THAP5: variants seen among roughly 807,000 people sequenced by gnomAD.
THAP5 encodes THAP domain-containing protein 5.
THAP5 carries 26 observed loss-of-function variants against 34.0 expected under a neutral mutation model. That is an observed-to-expected ratio of 0.77 (90% CI 0.56 to 1.06). The LOEUF (loss-of-function observed/expected upper bound fraction) is 1.06. Among genes scored for constraint, THAP5 ranks in the 50% least tolerant of loss-of-function variants. The pLI is 0.00. For synonymous variants in THAP5, 125 were observed against 153.0 expected (o/e 0.82, Z 1.35); for missense variants, 394 against 452.8 (o/e 0.87, Z 1.18).
intron 2 of THAP5, 33 bp downstream of exon 2, chr7:108,565,797 G>A: frequency 6.8e-7 from 1 of 1,473,112 alleles, no homozygotes; most frequent in Non-Finnish European, 9.0e-7. Flanking sequence ...CTGCCACTCT[G>A]CTCAGCATTA....
chr7:108,544,964 A>T, the THAP5 span, among the ~76,000 whole-genome samples: 1 of 152,180 alleles, frequency 6.6e-6, no homozygotes, highest in Non-Finnish European at 1.5e-5. Flanking sequence ...ATTCTCTGTA[A>T]ATTCCACACT....
chr7:108,549,390 G>A, the THAP5 span, among the ~76,000 whole-genome samples: 2 of 152,186 alleles, frequency 1.3e-5, no homozygotes, highest in African/African-American at 4.8e-5. Flanking sequence ...AAAGTGCTGG[G>A]ATTACAGGCG....
intron 1 of THAP5, among the ~76,000 whole-genome samples, chr7:108,568,921 A>G (rs751881247): frequency 1.3e-5 from 2 of 152,232 alleles, no homozygotes; most frequent in African/African-American, 2.4e-5. Context: ...TCGTGGCTCT[A>G]GTAATTCAGA....
downstream of THAP5, among the ~76,000 whole-genome samples, chr7:108,561,276 T>TTG (rs542060089): frequency 1.5e-3 from 222 of 151,572 alleles, 1 homozygote; most frequent in African/African-American, 5.0e-3. Flanking sequence ...CCATTTTTTT[T>TTG]TTTTAAAGAC....
downstream of THAP5, among the ~76,000 whole-genome samples, chr7:108,551,755 A>G (rs1302847630): frequency 6.6e-6 from 1 of 152,212 alleles, no homozygotes. Flanking sequence ...ATTAAAAAAT[A>G]TAGATGCTCA....
At chr7:108,557,789 A>G (rs561504206), downstream of THAP5, among the ~76,000 whole-genome samples, 11 of 152,270 alleles carry the variant, frequency 7.2e-5, no homozygotes, top group African/African-American at 2.6e-4. Flanking sequence ...ACATTTTCAC[A>G]TATCTTGATA....
rs1790568729 is a variant in THAP5, at chr7:108,569,612, C to T, written c.-43G>A. 7 of 1,547,344 alleles carry T rather than the reference C, an allele frequency of 4.5e-6. No individual in the cohort carries two copies. The highest frequency in any genetic ancestry group is 5.2e-6 in the Non-Finnish European group (6 of 1,146,416). On this transcript the variant is annotated 5_prime_UTR_variant, in exon 1 of 3. Coordinates refer to ENST00000415914, the MANE Select transcript of THAP5 (RefSeq NM_001130475.3). ...TGGAGACCGGGGCCGGCGACGGATG[C>T]AGGGCGGCCCTCCTCACTGAGGATG... is the stretch of plus-strand genomic sequence containing the variant.
downstream of THAP5, among the ~76,000 whole-genome samples, chr7:108,561,308 GGC>G: frequency 6.6e-6 from 1 of 151,358 alleles, no homozygotes; most frequent in South Asian, 2.1e-4. Context: ...TTGATGCCCA[GGC>G]TGGAATGCAG....
intron 2 of THAP5, 36 bp from the exon 3 acceptor site, chr7:108,565,141 A>G (rs1790457799): frequency 2.1e-6 from 3 of 1,437,668 alleles, no homozygotes; most frequent in Non-Finnish European, 2.8e-6. Context: ...GAAAAAGATG[A>G]CTTTTATTGG....
In THAP5 at chr7:108,564,841, A is replaced by T. The variant is rs778296904; in HGVS notation, c.538T>A (p.Leu180Met). Residue 180 changes from leucine (L) to methionine (M), a missense_variant, in exon 3 of 3, where the codon TTG (leucine) becomes ATG (methionine). Leu to Met is a conservative substitution (Grantham distance 15). Coordinates refer to ENST00000415914, the MANE Select transcript of THAP5 (RefSeq NM_001130475.3). Reference protein sequence around the residue: ...KQHTGKPESTLETSVNQDTGR... With the variant: ...KQHTGKPESTMETSVNQDTGR... ...GTATCTTGGTTAACTGATGTTTCCA[A>T]GGTAGATTCTGGTTTCCCAGTATGT... The T allele has an allele frequency of 6.2e-7, 1 of 1,612,676 alleles. No individual in the cohort carries two copies. The highest frequency in any genetic ancestry group is 8.5e-7 in the Non-Finnish European group (1 of 1,179,252).
At chr7:108,567,475 C>A (rs972178742) in intron 1 of THAP5, among the ~76,000 whole-genome samples, 1 of 152,034 alleles carries the variant, frequency 6.6e-6, no homozygotes, top group Middle Eastern at 3.2e-3. Flanking sequence ...GTTATCAACT[C>A]ATTAAAAAAA....
chr7:108,558,936 G>T (rs1251989471), downstream of THAP5, among the ~76,000 whole-genome samples: 2 of 152,114 alleles, frequency 1.3e-5, no homozygotes, highest in East Asian at 1.9e-4. Context: ...TAGTTTAAAA[G>T]ACATCTATAA....
rs1790480737 is a variant in THAP5 at position 108,566,037 on chromosome 7, A to G, written c.81-15T>C. 1.3e-6 allele frequency: 2 copies of G among 1,493,378 alleles called. No individual in the cohort carries two copies. 92.5% of individuals were successfully genotyped at this position (1,493,378 alleles called of 1,614,324 possible). ...GTAGAGGAAATCTGGAATTTAAAAA[A>G]AAAAGAAGAAAAAAGGAAAAACTTT... On this transcript the variant is annotated splice_polypyrimidine_tract_variant and intron_variant, in intron 1 of 2. Transcript: ENST00000415914.
intron 1 of THAP5, among the ~76,000 whole-genome samples, chr7:108,568,118 C>G (rs1385910190): frequency 2.0e-5 from 3 of 152,210 alleles, no homozygotes; most frequent in Non-Finnish European, 4.4e-5. Flanking sequence ...GTTTTCCTCC[C>G]CCAAACATCT....
intron 1 of THAP5, among the ~76,000 whole-genome samples, chr7:108,556,282 T>C (rs756264309): frequency 2.7e-4 from 41 of 152,126 alleles, no homozygotes; most frequent in African/African-American, 4.3e-4. Context: ...AATCATGCCT[T>C]CCCAACAGTT....
chr7:108,565,516 T>C (rs1790467523), intron 2 of THAP5: 2 of 192,770 alleles, frequency 1.0e-5, no homozygotes, highest in Non-Finnish European at 2.1e-5. Flanking sequence ...TGCAGTGAGC[T>C]GAGATCGCAC....
chr7:108,544,834 T>C, the THAP5 span, among the ~76,000 whole-genome samples: 3 of 152,022 alleles, frequency 2.0e-5, no homozygotes, highest in South Asian at 6.2e-4. Flanking sequence ...ATTTTTGTAA[T>C]TTTTTATAGA....
At chr7:108,555,406 G>A (rs1564007812) in intron 1 of THAP5, among the ~76,000 whole-genome samples, 2 of 151,818 alleles carry the variant, frequency 1.3e-5, no homozygotes, top group African/African-American at 2.4e-5. Context: ...GACCTCAAGC[G>A]ATGCACCCAC....
At chr7:108,543,071 T>A in the THAP5 span, among the ~76,000 whole-genome samples, 17 of 151,850 alleles carry the variant, frequency 1.1e-4, no homozygotes, top group African/African-American at 4.1e-4. Context: ...GGATTACAGG[T>A]GCCTGTCACC....
Sources: gnomAD v4.1 joint callset for allele counts (sites outside exome capture counted in the v4.1 genomes callset) on GRCh38, gnomAD v4.1.1 for gene constraint, MANE v1.5 for transcripts, NCBI Gene and HGNC (gene_info 2026-07-23, HGNC 2026-07-21) for gene names.